The following RBMS3 variants were observed in gnomAD, a reference collection of about 807,000 sequenced individuals.
RBMS3 encodes the protein RNA binding motif single stranded interacting protein 3.
Under a neutral mutation model 66.8 loss-of-function variants are expected in RBMS3, and 27 were observed. The ratio of observed to expected loss-of-function variants is 0.40; its 90% confidence interval spans 0.30 to 0.56. The LOEUF (loss-of-function observed/expected upper bound fraction) is 0.56, where lower values mean the gene tolerates loss of function less well. Ranked by LOEUF, RBMS3 falls within the 20% of genes least tolerant of loss-of-function variation. RBMS3 has a pLI of 0.40. For synonymous variants in RBMS3, 188 were observed against 183.0 expected, an observed-to-expected ratio of 1.03 and a Z score of -0.22; for missense variants, 513 against 549.5, an observed-to-expected ratio of 0.93 and a Z score of 0.66.
intron 12 of RBMS3, among the ~76,000 whole-genome samples, chr3:29,980,790 G>A (rs1314021068): frequency 1.3e-5 from 2 of 152,002 alleles, no homozygotes; most frequent in African/African-American, 4.8e-5. Context: ...CTTGGTCTAT[G>A]TATCTGTTTT....
chr3:29,972,824 C>T (rs752037778), intron 12 of RBMS3, among the ~76,000 whole-genome samples: 10 of 150,842 alleles, frequency 6.6e-5, no homozygotes, highest in East Asian at 1.9e-4. Flanking sequence ...CTTTACCAAG[C>T]CCAATCTAAT....
At chr3:29,308,107 T>C (rs1242851160) in intron 1 of RBMS3, among the ~76,000 whole-genome samples, 1 of 152,050 alleles carries the variant, frequency 6.6e-6, no homozygotes, top group East Asian at 1.9e-4. Flanking sequence ...GCCCATTAAG[T>C]AGTATAAATT....
At chr3:29,950,080 C>T (rs922201333) in intron 12 of RBMS3, among the ~76,000 whole-genome samples, 2 of 151,842 alleles carry the variant, frequency 1.3e-5, no homozygotes, top group Non-Finnish European at 2.9e-5. Flanking sequence ...TCCCTGAGTA[C>T]TGTGTGCTGC....
In RBMS3 at chr3:29,718,726, C is replaced by G. The variant is rs2053514249; in HGVS notation, c.400-20994C>G. Among the ~76,000 whole-genome samples the G allele has an allele frequency of 2.0e-5, 3 of 152,280 alleles. No homozygotes were observed. In the South Asian group the frequency reaches 6.2e-4, roughly 32 times the overall value. On this transcript the variant is annotated intron_variant, in intron 4 of 14. Coordinates refer to ENST00000383767, the MANE Select transcript of RBMS3 (RefSeq NM_001003793.3). Reference sequence around the variant, plus strand: ...TGCTTGGTATGTAACTAGTAACAGTCTATGACTCTCTACCACAGTTCTGTT... The same window carrying G: ...TGCTTGGTATGTAACTAGTAACAGTGTATGACTCTCTACCACAGTTCTGTT...
At chr3:29,535,902 G>A (rs1229330389) in intron 3 of RBMS3, among the ~76,000 whole-genome samples, 3 of 151,542 alleles carry the variant, frequency 2.0e-5, no homozygotes, top group African/African-American at 7.3e-5. Context: ...GGTCTATTCA[G>A]AGTCTATTAA....
At chr3:29,396,131 G>A (rs965395116) in intron 1 of RBMS3, among the ~76,000 whole-genome samples, 3 of 152,056 alleles carry the variant, frequency 2.0e-5, no homozygotes, top group Admixed American at 2.0e-4. Flanking sequence ...AGGCGCAGCT[G>A]GATATCATGT....
In RBMS3 at chr3:29,866,077, T is replaced by TAAAAAAAAAAAAAAAAAA. The variant is rs35591949; in HGVS notation, c.638-2776_638-2759dup. ...TTAGTCTATTATTAACACCAAATAC[T>TAAAAAAAAAAAAAAAAAA]AAAAAAAAAAAAAAAAAAAAAATTC... On this transcript the variant is annotated intron_variant, in intron 6 of 14. Coordinates refer to ENST00000383767, the MANE Select transcript of RBMS3 (RefSeq NM_001003793.3). Among the ~76,000 whole-genome samples, 6 of 105,598 alleles carry TAAAAAAAAAAAAAAAAAA rather than the reference T, an allele frequency of 5.7e-5. 1 individual carries two copies. Among genetic ancestry groups the TAAAAAAAAAAAAAAAAAA allele is most frequent in the African/African-American group, 1.9e-4 (5 of 25,868 alleles). 69.3% of individuals were successfully genotyped at this position (105,598 alleles called of 152,430 possible). A position where few individuals can be genotyped will look rare whatever the true frequency, so the allele number is the denominator to read the frequency against.
intron 4 of RBMS3, among the ~76,000 whole-genome samples, chr3:29,610,653 G>C (rs1477225862): frequency 6.6e-6 from 1 of 151,964 alleles, no homozygotes; most frequent in East Asian, 1.9e-4. Context: ...GATACCAACA[G>C]AAAGATACAT....
At chr3:29,886,745 T>C (rs552543580) in intron 8 of RBMS3, among the ~76,000 whole-genome samples, 1 of 151,858 alleles carries the variant, frequency 6.6e-6, no homozygotes, top group African/African-American at 2.4e-5. Context: ...ATATAAATAA[T>C]GAAGACTATA....
chr3:29,403,820 C>T (rs1226105914), intron 1 of RBMS3, among the ~76,000 whole-genome samples: 1 of 151,954 alleles, frequency 6.6e-6, no homozygotes, highest in African/African-American at 2.4e-5. Flanking sequence ...AATAAAGGAG[C>T]CAACATATTT....
At chr3:29,665,309 T>C (rs2050708102) in intron 4 of RBMS3, among the ~76,000 whole-genome samples, 1 of 152,232 alleles carries the variant, frequency 6.6e-6, no homozygotes. Flanking sequence ...CAGCCAATTA[T>C]ATACGATTGA....
chr3:29,913,777 C>A (rs1011415440), intron 10 of RBMS3, among the ~76,000 whole-genome samples: 2 of 151,880 alleles, frequency 1.3e-5, no homozygotes, highest in African/African-American at 4.8e-5. Context: ...AAAATCAATT[C>A]TTACTTTCCG....
rs71688232 is a variant in RBMS3 at position 29,532,237 on chromosome 3, C to CATATATATAT, written c.307+43746_307+43747insATATATATAT. Among the ~76,000 whole-genome samples, 25 of 92,132 alleles carry CATATATATAT rather than the reference C, an allele frequency of 2.7e-4. 1 individual carries two copies. The highest frequency in any genetic ancestry group is 5.7e-4 in the East Asian group (2 of 3,504). The allele number at this position is 92,132 out of a possible 152,430, so 60.4% of individuals were successfully genotyped here. A position where few individuals can be genotyped will look rare whatever the true frequency, so the allele number is the denominator to read the frequency against. On this transcript the variant is annotated intron_variant, in intron 3 of 14. Coordinates refer to ENST00000383767, the MANE Select transcript of RBMS3 (RefSeq NM_001003793.3). ...ATCTTTCAGTCTTATTTTAATTTCG[C>CATATATATAT]ATATATATGTATATATATATATATG...
chr3:29,970,976 C>T (rs57130455), intron 12 of RBMS3, among the ~76,000 whole-genome samples: 1,740 of 152,190 alleles, frequency 0.011, 38 homozygotes, highest in African/African-American at 0.039. Context: ...TCCGTCTTCC[C>T]GCCAGCTTCT....
chr3:29,368,838 A>C (rs1320166268), intron 1 of RBMS3, among the ~76,000 whole-genome samples: 1 of 152,140 alleles, frequency 6.6e-6, no homozygotes, highest in Non-Finnish European at 1.5e-5. Flanking sequence ...ACCCAAACGA[A>C]TATAAATCGG....
chr3:29,795,332 C>T (rs2057146489), intron 6 of RBMS3, among the ~76,000 whole-genome samples: 1 of 152,192 alleles, frequency 6.6e-6, no homozygotes, highest in South Asian at 2.1e-4. Flanking sequence ...GAGATATACT[C>T]CACCTCTGAA....
intron 1 of RBMS3, among the ~76,000 whole-genome samples, chr3:29,308,736 T>TAA (rs200202425): frequency 2.8e-5 from 1 of 36,190 alleles, no homozygotes; most frequent in East Asian, 4.4e-4. Context: ...GCATAGTGAT[T>TAA]AAAAAAAAAC....
chr3:29,753,077 G>T (rs755130349), intron 5 of RBMS3, among the ~76,000 whole-genome samples: 6 of 152,144 alleles, frequency 3.9e-5, no homozygotes, highest in Non-Finnish European at 7.4e-5. Flanking sequence ...ATGCCAGAAA[G>T]TCATATTTTG....
At chr3:29,581,600 C>T (rs2047331142) in intron 3 of RBMS3, among the ~76,000 whole-genome samples, 1 of 152,202 alleles carries the variant, frequency 6.6e-6, no homozygotes, top group Non-Finnish European at 1.5e-5. Context: ...AGTAGAATTT[C>T]AGCTGAATGT....
Sources: allele counts gnomAD v4.1 joint callset (sites outside exome capture counted in the v4.1 genomes callset), GRCh38; gene constraint gnomAD v4.1.1; transcripts MANE v1.5; gene names NCBI Gene and HGNC (gene_info 2026-07-23, HGNC 2026-07-21).